Variants in MTM1 observed in about 807,000 individuals in gnomAD.
The protein encoded by MTM1 is myotubularin 1.
A neutral mutation model predicts 52.1 loss-of-function variants in MTM1; 9 were observed. The observed-to-expected ratio is 0.17, with a 90% CI of 0.10 to 0.30. The LOEUF (loss-of-function observed/expected upper bound fraction) is 0.30, where lower values mean the gene tolerates loss of function less well. MTM1 is among the 10% of genes least tolerant of loss of function. The pLI is 1.00. For missense variants in MTM1, 277 were observed against 470.7 expected, an observed-to-expected ratio of 0.59 and a Z score of 3.81; for synonymous variants, 136 against 163.8, an observed-to-expected ratio of 0.83 and a Z score of 1.29.
intron 6 of MTM1, among the ~76,000 whole-genome samples, chrX:150,637,455 G>A (rs782538420): frequency 1.8e-5 from 2 of 111,369 alleles, no homozygotes; most frequent in South Asian, 3.8e-4. Flanking sequence ...CTGACCAGGC[G>A]CCATTGTAGT....
Position 150,639,749 on chromosome X carries a change from C to A in MTM1, c.528+723C>A, listed in dbSNP as rs782321225. Among the ~76,000 whole-genome samples, 80 of 112,280 alleles carry A rather than the reference C, an allele frequency of 7.1e-4. 1 individual carries two copies. The highest frequency in any genetic ancestry group is 2.5e-3 in the African/African-American group (77 of 30,938). On this transcript the variant is annotated intron_variant, in intron 7 of 14. Coordinates refer to ENST00000370396, the MANE Select transcript of MTM1 (RefSeq NM_000252.3). ...TTGTGTGATGGGATTATTCACAATT[C>A]TTGTTCTACAAAGCTCTTAAGATAA...
chrX:150,625,147 C>CATTATGTG (rs2039545877), intron 6 of MTM1, among the ~76,000 whole-genome samples: 1 of 111,659 alleles, frequency 9.0e-6, no homozygotes, highest in Non-Finnish European at 1.9e-5. Context: ...CCAGCTCAGT[C>CATTATGTG]ACTTACCTGC....
chrX:150,661,458 AATC>A (rs1306942403), intron 13 of MTM1, among the ~76,000 whole-genome samples: 28 of 112,211 alleles, frequency 2.5e-4, no homozygotes, highest in Non-Finnish European at 4.5e-4. Flanking sequence ...AAGGAAATGA[AATC>A]ATCATGTCAA....
chrX:150,564,134 T>C (rs185170473), upstream of MTM1, among the ~76,000 whole-genome samples: 39 of 111,794 alleles, frequency 3.5e-4, no homozygotes, highest in Admixed American at 3.3e-3. Context: ...ATAAATCTGC[T>C]TTCTATCATT....
intron 7 of MTM1, 113 bp from the exon 8 acceptor site, chrX:150,641,156 C>A: frequency 1.3e-6 from 1 of 791,621 alleles, no homozygotes. Flanking sequence ...CGTCATCACC[C>A]TGTGGTCAAA....
In MTM1 at chrX:150,645,821, A is replaced by G. The variant is rs1557413961; in HGVS notation, c.817A>G (p.Lys273Glu). The G allele has an allele frequency of 8.3e-7, 1 of 1,211,271 alleles. No individual in the cohort carries two copies. Among genetic ancestry groups the G allele is most frequent in the Non-Finnish European group, 1.1e-6 (1 of 895,050 alleles). ...VIRETNKQIS[K>E]LTIYDARPSV... ...CAGGGAGACTAATAAACAAATTTCT[A>G]AACTCACCATTTATGATGCAAGACC... is the stretch of plus-strand genomic sequence containing the variant. The change falls in exon 9 of 15, where the codon AAA becomes GAA. Residue 273 changes from lysine to glutamate, a missense_variant. Transcript: ENST00000370396.
intron 6 of MTM1, among the ~76,000 whole-genome samples, chrX:150,637,082 A>C (rs1250061065): frequency 8.9e-6 from 1 of 112,101 alleles, no homozygotes; most frequent in Non-Finnish European, 1.9e-5. Context: ...CATCCAGAAT[A>C]AACAGCACTT....
At chrX:150,600,714 CT>C (rs781822180) in intron 4 of MTM1, among the ~76,000 whole-genome samples, 109 of 112,307 alleles carry the variant, frequency 9.7e-4, no homozygotes, top group African/African-American at 3.4e-3. Flanking sequence ...TCGATTTATT[CT>C]GTATAGCTCC....
chrX:150,665,906 C>T (rs1054586049), intron 14 of MTM1, among the ~76,000 whole-genome samples: 1 of 112,158 alleles, frequency 8.9e-6, no homozygotes, highest in African/African-American at 3.2e-5. Context: ...GACCATCATA[C>T]GGTACTCTAG....
At chrX:150,662,512 C>T (rs1049415154) in intron 13 of MTM1, among the ~76,000 whole-genome samples, 1 of 110,214 alleles carries the variant, frequency 9.1e-6, no homozygotes, top group Non-Finnish European at 1.9e-5. Flanking sequence ...TTGGTAGAGA[C>T]GGGGCTTCAC....
intron 6 of MTM1, among the ~76,000 whole-genome samples, chrX:150,630,046 G>A (rs180886890): frequency 5.4e-5 from 6 of 111,983 alleles, no homozygotes; most frequent in Non-Finnish European, 9.4e-5. Context: ...ATATGGTAAC[G>A]TAACACAGGT....
Position 150,602,081 on chromosome X carries a change from C to A in MTM1, c.231+3395C>A, listed in dbSNP as rs782462834. Among the ~76,000 whole-genome samples, 5 of 112,303 alleles carry A rather than the reference C, an allele frequency of 4.5e-5. No homozygotes were observed. In the East Asian group the frequency reaches 1.4e-3, roughly 31 times the overall value. ...GAATCATTCCTTCTTTGTGTCCCTG[C>A]AGCCTTTTCTTCATGCCTCTGTGTT... On this transcript the variant is annotated intron_variant, in intron 4 of 14. Transcript: ENST00000370396.
Position 150,592,646 on chromosome X carries a change from C to T in MTM1, c.32C>T (p.Ser11Leu), listed in dbSNP as rs782293228. ...TCTGCATCAACTTCTAAATATAATT[C>T]ACACTCCTTGGAGAATGAGTCTATT... MASASTSKYN[S>L]HSLENESIKR... is the part of the protein sequence containing the mutation. The change falls in exon 2 of 15, where the codon TCA becomes TTA. Residue 11 changes from serine to leucine, a missense_variant. Ser to Leu is a moderately radical substitution (Grantham distance 145). Around this residue, in one of 4 missense-constraint regions of MTM1, gnomAD observed 164 missense variants for 283.3 expected, o/e 0.58. Coordinates refer to ENST00000370396, the MANE Select transcript of MTM1 (RefSeq NM_000252.3). The T allele has an allele frequency of 9.2e-6, 11 of 1,194,502 alleles. No individual in the cohort carries two copies. The highest frequency in any genetic ancestry group is 2.3e-4 in the Middle Eastern group (1 of 4,307).
intron 1 of MTM1, among the ~76,000 whole-genome samples, chrX:150,585,616 A>G: frequency 8.9e-6 from 1 of 112,361 alleles, no homozygotes; most frequent in Non-Finnish European, 1.9e-5. Context: ...TTCATTGAGC[A>G]GATCAGCTGG....
chrX:150,571,081 C>T (rs782004284), intron 1 of MTM1, among the ~76,000 whole-genome samples: 15 of 111,893 alleles, frequency 1.3e-4, no homozygotes, highest in Admixed American at 9.4e-4. Context: ...TTATTGAGGG[C>T]TCCAAAATAA....
intron 4 of MTM1, among the ~76,000 whole-genome samples, chrX:150,608,680 T>G (rs1295087169): frequency 9.0e-6 from 1 of 111,630 alleles, no homozygotes; most frequent in Non-Finnish European, 1.9e-5. Context: ...CTCTCAGCAA[T>G]TTTCTAGTAC....
At position 150,604,843 on chromosome X, in the gene MTM1, T is replaced by C. The variant is rs1265520315; in HGVS notation, c.231+6157T>C. On this transcript the variant is annotated intron_variant, in intron 4 of 14. Coordinates refer to ENST00000370396, the MANE Select transcript of MTM1 (RefSeq NM_000252.3). The stretch of plus-strand genomic sequence containing the variant: ...TTATCGCACATTCCCTAGCCAGGTG[T>C]TCACGGTCCTCACCACTCTGCTGCC... 7.2e-5 allele frequency among the ~76,000 whole-genome samples: 8 copies of C among 110,835 alleles called. No individual in the cohort carries two copies. The South Asian group carries it at 1.5e-3, about 21-fold the overall frequency.
chrX:150,590,302 C>CAGT (rs1313045920), intron 1 of MTM1, among the ~76,000 whole-genome samples: 1 of 112,327 alleles, frequency 8.9e-6, no homozygotes, highest in Non-Finnish European at 1.9e-5. Flanking sequence ...CAACTATTAA[C>CAGT]AGTAGTAGTA....
At chrX:150,614,773 G>A in intron 5 of MTM1, 74 bp downstream of exon 5, 2 of 549,698 alleles carry the variant, frequency 3.6e-6, no homozygotes, top group Admixed American at 6.3e-5. Context: ...AATTAATGTG[G>A]ATTTGAAAAA....
Sources: gnomAD v4.1 joint callset for allele counts (sites outside exome capture counted in the v4.1 genomes callset) on GRCh38, gnomAD v4.1.1 for gene constraint, gnomAD v4.1.1 regional missense constraint, MANE v1.5 for transcripts, NCBI Gene and HGNC (gene_info 2026-07-23, HGNC 2026-07-21) for gene names.